Variants in UST observed in about 807,000 individuals in gnomAD.
UST encodes chondroitin sulfate 2-O-sulfotransferase.
UST carries 21 observed loss-of-function variants against 45.6 expected under a neutral mutation model. That is an observed-to-expected ratio of 0.46 (90% CI 0.33 to 0.66). The LOEUF (loss-of-function observed/expected upper bound fraction) is 0.66, where lower values mean the gene tolerates loss of function less well. Among genes scored for constraint, UST ranks in the 30% least tolerant of loss-of-function variants. UST has a pLI of 0.02. For synonymous variants in UST, 215 were observed against 200.6 expected, an observed-to-expected ratio of 1.07 and a Z score of -0.61; for missense variants, 463 against 512.4, an observed-to-expected ratio of 0.90 and a Z score of 0.93.
At chr6:148,752,234 C>T (rs1223836752) in intron 1 of UST, among the ~76,000 whole-genome samples, 1 of 152,148 alleles carries the variant, frequency 6.6e-6, no homozygotes. Flanking sequence ...AAATAGAGGT[C>T]CATATCTGTT....
intron 1 of UST, among the ~76,000 whole-genome samples, chr6:148,832,529 C>T (rs1218368587): frequency 1.3e-5 from 2 of 152,178 alleles, no homozygotes; most frequent in Non-Finnish European, 2.9e-5. Context: ...AACTGATCAG[C>T]ATCCCATAGA....
chr6:148,964,825 A>G lies in UST; in HGVS notation c.681+262A>G, dbSNP rs533877866. The G allele has an allele frequency of 3.9e-4, 192 of 489,054 alleles. 1 individual carries two copies. The South Asian group carries it at 4.6e-3, about 12-fold the overall frequency. 30.3% of individuals were successfully genotyped at this position (489,054 alleles called of 1,614,324 possible). A position where few individuals can be genotyped will look rare whatever the true frequency, so the allele number is the denominator to read the frequency against. ...TTTAGTGCTAGGTTTTGGGACCCAG[A>G]GCGTTAACAGTCTTTCCTAAGGAGT... On this transcript the variant is annotated intron_variant, in intron 5 of 7. Coordinates refer to ENST00000367463, the MANE Select transcript of UST (RefSeq NM_005715.3).
At chr6:148,921,721 T>C (rs1031764829) in intron 2 of UST, among the ~76,000 whole-genome samples, 2 of 152,160 alleles carry the variant, frequency 1.3e-5, no homozygotes, top group African/African-American at 4.8e-5. Flanking sequence ...AGCATCCTTG[T>C]GGGTTATGGA....
In UST at chr6:148,964,403, G is replaced by A. The variant is rs2114958248; in HGVS notation, c.528-7G>A. 6.2e-7 allele frequency: 1 copy of A among 1,614,046 alleles called. No individual in the cohort carries two copies. The highest frequency in any genetic ancestry group is 2.2e-5 in the East Asian group (1 of 44,878). Reference sequence around the variant, plus strand: ...ATGGGTTGTAACGAACTCAATGTTTGTGTTAGGTTTGGAGGAGACCAGCCT... The same window carrying A: ...ATGGGTTGTAACGAACTCAATGTTTATGTTAGGTTTGGAGGAGACCAGCCT... On this transcript the variant is annotated splice_region_variant and splice_polypyrimidine_tract_variant and intron_variant, in intron 4 of 7. Transcript: ENST00000367463.
chr6:148,810,671 C>CT (rs1298390862), intron 1 of UST, among the ~76,000 whole-genome samples: 1 of 152,230 alleles, frequency 6.6e-6, no homozygotes, highest in Non-Finnish European at 1.5e-5. Flanking sequence ...GGGCTCAACT[C>CT]TCTTTTCTCT....
At chr6:149,049,808 C>T (rs760772971) in intron 7 of UST, among the ~76,000 whole-genome samples, 3 of 151,950 alleles carry the variant, frequency 2.0e-5, no homozygotes, top group Non-Finnish European at 4.4e-5. Context: ...TTTACCAGCC[C>T]CTCTCTCTAA....
intron 7 of UST, among the ~76,000 whole-genome samples, chr6:149,049,927 T>TCA (rs1393383569): frequency 1.6e-4 from 21 of 130,534 alleles, no homozygotes; most frequent in African/African-American, 3.8e-4. Context: ...TCTCTCTCTC[T>TCA]CTCTCACACA....
At chr6:148,873,686 G>A (rs888232183) in intron 1 of UST, among the ~76,000 whole-genome samples, 2 of 152,214 alleles carry the variant, frequency 1.3e-5, no homozygotes, top group Non-Finnish European at 2.9e-5. Flanking sequence ...ATGATTAGCT[G>A]CCTGACATGG....
chr6:148,828,481 G>T (rs928346222), intron 1 of UST, among the ~76,000 whole-genome samples: 1 of 152,118 alleles, frequency 6.6e-6, no homozygotes, highest in Admixed American at 6.5e-5. Context: ...AAAAACCTAT[G>T]TTTCATTCAC....
intron 1 of UST, among the ~76,000 whole-genome samples, chr6:148,765,009 T>C (rs1776295545): frequency 1.3e-5 from 2 of 152,172 alleles, no homozygotes; most frequent in Non-Finnish European, 2.9e-5. Flanking sequence ...AATGCATTCT[T>C]TTCCCAACGC....
chr6:149,029,946 CCTT>C (rs948001797), intron 7 of UST, among the ~76,000 whole-genome samples: 6 of 150,722 alleles, frequency 4.0e-5, no homozygotes, highest in South Asian at 4.2e-4. Flanking sequence ...CAACTAGACT[CCTT>C]ATTATATAGC....
At chr6:148,956,669 G>A (rs116943483) in intron 4 of UST, among the ~76,000 whole-genome samples, 97 of 152,244 alleles carry the variant, frequency 6.4e-4, no homozygotes, top group Admixed American at 9.2e-4. Flanking sequence ...CTCCTGACTC[G>A]GTTTCTATGG....
chr6:148,777,879 A>G (rs1236408364), intron 1 of UST, among the ~76,000 whole-genome samples: 1 of 152,204 alleles, frequency 6.6e-6, no homozygotes, highest in Admixed American at 6.5e-5. Flanking sequence ...ACACAAGTAC[A>G]TACTATTCTG....
intron 5 of UST, among the ~76,000 whole-genome samples, chr6:149,004,304 A>G (rs1781606938): frequency 6.6e-6 from 1 of 152,252 alleles, no homozygotes; most frequent in East Asian, 1.9e-4. Context: ...GTTTTCTCAC[A>G]TTTTTGTTTT....
rs571680693 is a variant in UST, at chr6:148,975,134, G to A, written c.681+10571G>A. ...GATTAAGACAAGGGTCCTAAACCAA[G>A]GCAATAAAATTAGCCGAGACCAGTC... On this transcript the variant is annotated intron_variant, in intron 5 of 7. Coordinates refer to ENST00000367463, the MANE Select transcript of UST (RefSeq NM_005715.3). Among the ~76,000 whole-genome samples the A allele has an allele frequency of 5.3e-5, 8 of 152,256 alleles. No homozygotes were observed. The South Asian group carries it at 1.7e-3, about 32-fold the overall frequency.
At chr6:149,056,414 G>A (rs1776567610) in intron 7 of UST, among the ~76,000 whole-genome samples, 1 of 152,092 alleles carries the variant, frequency 6.6e-6, no homozygotes, top group South Asian at 2.1e-4. Context: ...GCCTACCCCT[G>A]CTTTTCAAAG....
Position 149,073,838 on chromosome 6 carries a change from A to G in UST, c.943A>G (p.Arg315Gly). The part of the protein sequence containing the change: ...VLSIYKDPEH[R>G]KLGNMTVTVK... The stretch of plus-strand genomic sequence containing the variant: ...CGACCCCGGTTCTCTTCCAGAGCAC[A>G]GGAAGCTTGGAAACATGACTGTGAC... The change falls in exon 8 of 8, where the codon AGG becomes GGG. Residue 315 changes from arginine to glycine, a missense_variant. By Grantham distance (125) the Arg-to-Gly change is moderately radical. Transcript: ENST00000367463. 6.2e-7 allele frequency: 1 copy of G among 1,613,188 alleles called. No homozygotes were observed. The highest frequency in any genetic ancestry group is 8.5e-7 in the Non-Finnish European group (1 of 1,179,148).
chr6:149,016,984 G>C (rs1017688232), intron 5 of UST, among the ~76,000 whole-genome samples: 1 of 152,248 alleles, frequency 6.6e-6, no homozygotes, highest in African/African-American at 2.4e-5. Flanking sequence ...GAGCAGGGCA[G>C]GGGGCTCAGA....
intron 1 of UST, among the ~76,000 whole-genome samples, chr6:148,815,953 C>T (rs1285781524): frequency 6.6e-6 from 1 of 152,116 alleles, no homozygotes; most frequent in Non-Finnish European, 1.5e-5. Flanking sequence ...TTTTTCTTAT[C>T]TTCCTGTCTG....
Sources: gnomAD v4.1 joint callset for allele counts (sites outside exome capture counted in the v4.1 genomes callset) on GRCh38, gnomAD v4.1.1 for gene constraint, MANE v1.5 for transcripts, NCBI Gene and HGNC (gene_info 2026-07-23, HGNC 2026-07-21) for gene names.